Variants in MLIP observed in about 807,000 individuals in gnomAD.
The protein encoded by MLIP is muscular LMNA-interacting protein.
Under a neutral mutation model 84.8 loss-of-function variants are expected in MLIP, and 79 were observed. The observed-to-expected ratio is 0.93, with a 90% CI of 0.78 to 1.12. The LOEUF is 1.12. MLIP is among the 50% of genes most tolerant of loss of function. The pLI is 0.00. For synonymous variants in MLIP, 504 were observed against 463.0 expected (o/e 1.09, Z -1.14); for missense variants, 1,257 against 1,160.6 (o/e 1.08, Z -1.21).
At chr6:54,253,618 T>C (rs1782790710) in intron 12 of MLIP, among the ~76,000 whole-genome samples, 1 of 152,184 alleles carries the variant, frequency 6.6e-6, no homozygotes, top group African/African-American at 2.4e-5. Context: ...AGTTGTTACA[T>C]TTTCATTTCT....
At chr6:54,032,274 C>T (rs1302983176) in intron 1 of MLIP, 1 of 151,946 alleles carries the variant, frequency 6.6e-6, no homozygotes, top group Non-Finnish European at 1.5e-5. Context: ...AATTCTTTAC[C>T]ACTGGCAGTT....
chr6:54,094,323 C>A (rs908198878), intron 1 of MLIP, among the ~76,000 whole-genome samples: 1 of 151,324 alleles, frequency 6.6e-6, no homozygotes, highest in Admixed American at 6.6e-5. Flanking sequence ...GCTTAATTGG[C>A]AGGTATGGAG....
chr6:54,184,027 T>C (rs1777154708), intron 9 of MLIP, among the ~76,000 whole-genome samples: 1 of 152,174 alleles, frequency 6.6e-6, no homozygotes, highest in Non-Finnish European at 1.5e-5. Context: ...TTTATCATTT[T>C]ATAATTTTAT....
At chr6:54,152,884 C>A (rs1462090392) in intron 5 of MLIP, among the ~76,000 whole-genome samples, 2 of 151,798 alleles carry the variant, frequency 1.3e-5, no homozygotes, top group Non-Finnish European at 2.9e-5. Context: ...AGAAATATTT[C>A]CATAAAATCA....
chr6:54,198,213 G>T (rs73741463), intron 10 of MLIP, among the ~76,000 whole-genome samples: 2,378 of 152,164 alleles, frequency 0.016, 62 homozygotes, highest in African/African-American at 0.052. Context: ...GCTTAGGTCG[G>T]GCACTGAGCT....
At chr6:54,216,599 T>C (rs1779869619) in intron 11 of MLIP, 1 of 974,284 alleles carries the variant, frequency 1.0e-6, no homozygotes, top group Admixed American at 6.2e-5. Flanking sequence ...GTTGTGATTA[T>C]TAAAAATCTT....
rs1783357134 is a variant in MLIP at position 54,261,117 on chromosome 6, G to T, written c.2976+3756G>T. On this transcript the variant is annotated intron_variant, in intron 13 of 13. Coordinates refer to ENST00000502396, the MANE Select transcript of MLIP (RefSeq NM_001281747.2). ...AGCATACTCGTTGACTAAGATAAAT[G>T]ATTTCTGAGTTGAGTTACTTAGGAG... is the stretch of plus-strand genomic sequence containing the variant. 2.0e-5 allele frequency among the ~76,000 whole-genome samples: 3 copies of T among 151,994 alleles called. No individual in the cohort carries two copies. The South Asian group carries it at 6.2e-4, about 31-fold the overall frequency.
At chr6:54,037,942 T>C (rs1317100023) in intron 1 of MLIP, among the ~76,000 whole-genome samples, 1 of 151,996 alleles carries the variant, frequency 6.6e-6, no homozygotes, top group Admixed American at 6.6e-5. Context: ...TATCTACTGA[T>C]GATATTTTTG....
chr6:54,230,970 C>A, intron 12 of MLIP, 53 bp downstream of exon 12: 2 of 1,513,764 alleles, frequency 1.3e-6, no homozygotes, highest in Non-Finnish European at 1.8e-6. Context: ...ACCTTCATTA[C>A]GCTTGACTTT....
chr6:54,253,762 CA>C (rs1782801339), intron 12 of MLIP, among the ~76,000 whole-genome samples: 1 of 151,966 alleles, frequency 6.6e-6, no homozygotes, highest in South Asian at 2.1e-4. Flanking sequence ...CAGCTGTGAC[CA>C]AAAGTGTAAT....
chr6:54,252,392 T>C (rs1782685154), intron 12 of MLIP, among the ~76,000 whole-genome samples: 1 of 98,096 alleles, frequency 1.0e-5, no homozygotes, highest in Non-Finnish European at 1.9e-5. Flanking sequence ...TATTATAACA[T>C]ATAATATATA....
At chr6:54,067,261 A>G (rs1395886510) in intron 1 of MLIP, among the ~76,000 whole-genome samples, 3 of 100,964 alleles carry the variant, frequency 3.0e-5, no homozygotes, top group African/African-American at 7.6e-5. Flanking sequence ...AATTCAGTAT[A>G]TTGTATGTAT....
intron 1 of MLIP, chr6:54,029,524 C>G (rs1764007280): frequency 6.6e-6 from 1 of 152,286 alleles, no homozygotes; most frequent in African/African-American, 2.4e-5. Flanking sequence ...TCTTGGGCTT[C>G]CCGGAGTATA....
At chr6:54,188,370 G>A (rs1025965480) in intron 9 of MLIP, among the ~76,000 whole-genome samples, 5 of 151,790 alleles carry the variant, frequency 3.3e-5, no homozygotes, top group East Asian at 1.9e-4. Flanking sequence ...GGAACATGTA[G>A]CTTGAAACAC....
chr6:54,232,812 C>G (rs1390335915), intron 12 of MLIP, among the ~76,000 whole-genome samples: 1 of 152,204 alleles, frequency 6.6e-6, no homozygotes, highest in Non-Finnish European at 1.5e-5. Flanking sequence ...GCCTACTGGC[C>G]TATCTCCAAA....
intron 8 of MLIP, among the ~76,000 whole-genome samples, chr6:54,166,001 A>T (rs977335567): frequency 6.6e-6 from 1 of 151,886 alleles, no homozygotes; most frequent in Non-Finnish European, 1.5e-5. Flanking sequence ...CAAATCTGCT[A>T]GTGCCTGGAT....
intron 1 of MLIP, among the ~76,000 whole-genome samples, chr6:54,121,032 T>G (rs2150433111): frequency 6.6e-6 from 1 of 152,262 alleles, no homozygotes; most frequent in South Asian, 2.1e-4. Context: ...AATGTGGGGA[T>G]TTTCTTGCAT....
At chr6:54,165,468 C>T (rs1404404009) in intron 8 of MLIP, among the ~76,000 whole-genome samples, 1 of 151,962 alleles carries the variant, frequency 6.6e-6, no homozygotes, top group Non-Finnish European at 1.5e-5. Context: ...TACCTCTTTA[C>T]AACCCTCAGA....
intron 5 of MLIP, among the ~76,000 whole-genome samples, chr6:54,155,165 A>G (rs1046440207): frequency 6.6e-5 from 10 of 152,060 alleles, no homozygotes; most frequent in Non-Finnish European, 1.5e-4. Flanking sequence ...AAGAAACCCT[A>G]CTTTATATAC....
Sources: allele counts gnomAD v4.1 joint callset (sites outside exome capture counted in the v4.1 genomes callset), GRCh38; gene constraint gnomAD v4.1.1; transcripts MANE v1.5; gene names NCBI Gene and HGNC (gene_info 2026-07-23, HGNC 2026-07-21).